The following C12orf42 variants were observed in gnomAD, a reference collection of about 807,000 sequenced individuals.
C12orf42 encodes the protein uncharacterized protein C12orf42.
A neutral mutation model predicts 21.6 loss-of-function variants in C12orf42; 25 were observed. That is an observed-to-expected ratio of 1.16 (90% confidence interval 0.84 to 1.62). C12orf42 has a LOEUF of 1.62. C12orf42 is among the 40% of genes most tolerant of loss of function. The pLI is 0.00. For synonymous variants in C12orf42, 174 were observed against 175.0 expected (o/e 0.99, Z 0.05); for missense variants, 483 against 459.3 (o/e 1.05, Z -0.47).
the C12orf42 span, among the ~76,000 whole-genome samples, chr12:103,058,569 G>A: frequency 1.3e-5 from 2 of 152,068 alleles, no homozygotes; most frequent in African/African-American, 4.8e-5. Context: ...TTGTAAAATC[G>A]ACCACATAAT....
intron 4 of C12orf42, among the ~76,000 whole-genome samples, chr12:103,331,493 G>T (rs776546627): frequency 1.3e-5 from 2 of 152,156 alleles, no homozygotes; most frequent in Non-Finnish European, 1.5e-5. Flanking sequence ...GACTGTGCAA[G>T]GTTCTGCTCT....
chr12:103,077,179 A>C, the C12orf42 span, among the ~76,000 whole-genome samples: 1 of 152,194 alleles, frequency 6.6e-6, no homozygotes, highest in Admixed American at 6.5e-5. Context: ...TTCTAAAGAT[A>C]ATTGAAGATA....
At chr12:103,211,915 A>C in the C12orf42 span, among the ~76,000 whole-genome samples, 1 of 152,064 alleles carries the variant, frequency 6.6e-6, no homozygotes, top group African/African-American at 2.4e-5. Context: ...CATTTTTTTA[A>C]ATTTTAAGGT....
chr12:103,491,551 AT>A (rs1955186204), intron 1 of C12orf42, among the ~76,000 whole-genome samples: 1 of 152,168 alleles, frequency 6.6e-6, no homozygotes, highest in Admixed American at 6.5e-5. Context: ...TCTACACTCT[AT>A]TGTTATCTGG....
intron 4 of C12orf42, among the ~76,000 whole-genome samples, chr12:103,292,539 T>C (rs1262732204): frequency 6.6e-6 from 1 of 152,094 alleles, no homozygotes; most frequent in Non-Finnish European, 1.5e-5. Context: ...GGAACCAGAA[T>C]AGTGTCTAAC....
At chr12:103,154,659 T>G in the C12orf42 span, among the ~76,000 whole-genome samples, 1 of 152,206 alleles carries the variant, frequency 6.6e-6, no homozygotes, top group Non-Finnish European at 1.5e-5. Flanking sequence ...GTGGATTCAT[T>G]CTTTCTCTTT....
chr12:103,200,058 A>C, the C12orf42 span, among the ~76,000 whole-genome samples: 1 of 152,204 alleles, frequency 6.6e-6, no homozygotes, highest in Non-Finnish European at 1.5e-5. Flanking sequence ...TATTCACAAT[A>C]GCAAAGATAT....
At chr12:103,097,572 A>G in the C12orf42 span, among the ~76,000 whole-genome samples, 1 of 152,230 alleles carries the variant, frequency 6.6e-6, no homozygotes, top group Admixed American at 6.5e-5. Context: ...CTGCTGCTTT[A>G]ACATTTTGCA....
chr12:103,197,678 C>T, the C12orf42 span, among the ~76,000 whole-genome samples: 1 of 152,194 alleles, frequency 6.6e-6, no homozygotes, highest in Admixed American at 6.5e-5. Flanking sequence ...GGTTGTTTCT[C>T]ATCTGTCTGG....
At chr12:103,105,771 TGAC>T in the C12orf42 span, among the ~76,000 whole-genome samples, 7 of 151,898 alleles carry the variant, frequency 4.6e-5, no homozygotes, top group South Asian at 2.1e-4. Flanking sequence ...ATACACAAAT[TGAC>T]AACAAATTCG....
chr12:103,540,532 T>C, the C12orf42 span, among the ~76,000 whole-genome samples: 1 of 152,214 alleles, frequency 6.6e-6, no homozygotes, highest in Non-Finnish European at 1.5e-5. Context: ...CATTGAGCCG[T>C]TTCTTGTTAT....
At chr12:103,368,843 T>G in intron 4 of C12orf42, 44 bp downstream of exon 4, 2 of 1,052,768 alleles carry the variant, frequency 1.9e-6, no homozygotes, top group Middle Eastern at 4.1e-4. Context: ...GTCCAGAGTT[T>G]CTTTGGAAAC....
At chr12:103,308,900 G>A (rs1185537832) in intron 4 of C12orf42, among the ~76,000 whole-genome samples, 1 of 152,086 alleles carries the variant, frequency 6.6e-6, no homozygotes, top group Non-Finnish European at 1.5e-5. Flanking sequence ...ATGTGATAAC[G>A]AAGGCAGAGA....
the C12orf42 span, among the ~76,000 whole-genome samples, chr12:103,229,323 G>A: frequency 1.7e-4 from 26 of 152,284 alleles, no homozygotes; most frequent in African/African-American, 6.0e-4. Context: ...AGGAAGTCCC[G>A]TGATAGTACA....
chr12:103,206,521 T>C, the C12orf42 span, among the ~76,000 whole-genome samples: 3 of 148,610 alleles, frequency 2.0e-5, no homozygotes, highest in East Asian at 2.0e-4. Context: ...TTTTCTATAT[T>C]ACACACACAC....
intron 5 of C12orf42, among the ~76,000 whole-genome samples, chr12:103,276,404 C>T (rs75927880): frequency 0.013 from 1,993 of 152,250 alleles, 40 homozygotes; most frequent in African/African-American, 0.039. Flanking sequence ...CCACCCTCTG[C>T]ACTAGGCCCA....
chr12:103,322,117 G>GCA (rs1566077661), intron 4 of C12orf42, among the ~76,000 whole-genome samples: 25 of 112,374 alleles, frequency 2.2e-4, no homozygotes, highest in African/African-American at 9.5e-4. Context: ...GTGCGTGCGC[G>GCA]CGCGCGCGCA....
chr12:103,162,654 G>A, the C12orf42 span: 2 of 152,146 alleles, frequency 1.3e-5, no homozygotes, highest in South Asian at 4.1e-4. Flanking sequence ...TCCAAAGGCA[G>A]GTTGCACAAA....
intron 4 of C12orf42, among the ~76,000 whole-genome samples, chr12:103,321,596 C>T (rs2040133170): frequency 7.0e-6 from 1 of 143,036 alleles, no homozygotes; most frequent in South Asian, 2.4e-4. Flanking sequence ...TTCACAATAG[C>T]AAAGACTTGG....
Sources: gnomAD v4.1 joint callset for allele counts (sites outside exome capture counted in the v4.1 genomes callset) on GRCh38, gnomAD v4.1.1 for gene constraint, MANE v1.5 for transcripts, NCBI Gene and HGNC (gene_info 2026-07-23, HGNC 2026-07-21) for gene names.